Variants in GATA6 observed in about 807,000 individuals in gnomAD.
GATA6 encodes the protein GATA binding protein 6, also known as transcription factor GATA-6.
A neutral mutation model predicts 48.1 loss-of-function variants in GATA6; 11 were observed. The observed-to-expected ratio is 0.23, with a 90% CI of 0.14 to 0.38. GATA6 has a LOEUF of 0.38. Ranked by LOEUF, GATA6 falls within the 10% of genes least tolerant of loss-of-function variation. GATA6 has a pLI of 1.00. For missense variants in GATA6, 795 were observed against 850.3 expected (o/e 0.93, Z 0.81); for synonymous variants, 419 against 396.1 (o/e 1.06, Z -0.69).
intron 6 of GATA6, among the ~76,000 whole-genome samples, chr18:22,191,832 A>G (rs1244844501): frequency 6.6e-6 from 1 of 152,206 alleles, no homozygotes; most frequent in Non-Finnish European, 1.5e-5. Flanking sequence ...GGACAAATAC[A>G]TAACTAGGCA....
intron 6 of GATA6, among the ~76,000 whole-genome samples, chr18:22,194,423 C>G (rs1410080288): frequency 1.3e-5 from 2 of 152,176 alleles, no homozygotes; most frequent in Admixed American, 6.5e-5. Flanking sequence ...GAGCAGGGAC[C>G]TCCGCCTGGC....
At chr18:22,179,022 G>A (rs781428383) in intron 3 of GATA6, among the ~76,000 whole-genome samples, 1 of 152,160 alleles carries the variant, frequency 6.6e-6, no homozygotes, top group Non-Finnish European at 1.5e-5. Context: ...CATTTAGATA[G>A]TGCCATTTGT....
chr18:22,183,151 TTTAG>T, intron 6 of GATA6, 108 bp downstream of exon 6: 1 of 864,446 alleles, frequency 1.2e-6, no homozygotes, highest in Non-Finnish European at 1.9e-6. Context: ...AACAGTTCAG[TTTAG>T]TTAGTTGATA....
chr18:22,201,231 T>C lies in GATA6; in HGVS notation c.*408T>C, dbSNP rs919111119. ...ATACCTTTTCCACATCCAGATTTCATGTGCGTTCATGGAGAAGATCACTTG... is the reference window on the plus strand; with the variant it reads ...ATACCTTTTCCACATCCAGATTTCACGTGCGTTCATGGAGAAGATCACTTG... On this transcript the variant is annotated 3_prime_UTR_variant, in exon 7 of 7. Transcript: ENST00000269216. 2.6e-5 allele frequency: 6 copies of C among 232,430 alleles called. No individual in the cohort carries two copies. The highest frequency in any genetic ancestry group is 1.5e-4 in the Admixed American group (3 of 19,356). The allele number at this position is 232,430 out of a possible 1,614,324, so 14.4% of individuals were successfully genotyped here.
At chr18:22,191,037 G>A (rs1407105404) in intron 6 of GATA6, among the ~76,000 whole-genome samples, 1 of 90,328 alleles carries the variant, frequency 1.1e-5, no homozygotes, top group Non-Finnish European at 1.8e-5. Flanking sequence ...AATCTCGTGT[G>A]TGTGTGTGTG....
rs2143277673 is a variant in GATA6, at chr18:22,171,990, C to T, written c.846C>T (p.Tyr282=). Residue 282 remains tyrosine, a synonymous_variant, in exon 2 of 7, where the codon TAC becomes TAT. Transcript: ENST00000269216. The surrounding 1 kb of genome is among the most constrained non-coding windows in gnomAD (Gnocchi z 7.1). ...ANGAAREPGG[Y]AAAGSGGAGG... ...GCGCCGCGCGGGAGCCGGGAGGCTA[C>T]GCGGCGGCGGGCAGTGGGGGCGCGG... is the stretch of plus-strand genomic sequence containing the variant. 8.2e-7 allele frequency: 1 copy of T among 1,225,438 alleles called. No individual in the cohort carries two copies. Among genetic ancestry groups the T allele is most frequent in the Non-Finnish European group, 1.0e-6 (1 of 985,086 alleles). The allele number at this position is 1,225,438 out of a possible 1,614,324, so 75.9% of individuals were successfully genotyped here. A position where few individuals can be genotyped will look rare whatever the true frequency, so the allele number is the denominator to read the frequency against.
chr18:22,192,494 T>A (rs886469189), intron 6 of GATA6, among the ~76,000 whole-genome samples: 2 of 152,236 alleles, frequency 1.3e-5, no homozygotes, highest in African/African-American at 4.8e-5. Flanking sequence ...TGTATTTCAC[T>A]GATAGCAAAT....
rs954133516 is a variant in GATA6, at chr18:22,201,547, T to C, written c.*724T>C. The C allele has an allele frequency of 6.5e-6, 1 of 152,676 alleles. No individual in the cohort carries two copies. Among genetic ancestry groups the C allele is most frequent in the African/African-American group, 2.4e-5 (1 of 41,476 alleles). 9.5% of individuals were successfully genotyped at this position (152,676 alleles called of 1,614,324 possible). On this transcript the variant is annotated 3_prime_UTR_variant, in exon 7 of 7. Transcript: ENST00000269216. ...ATTTAACAGCATTTTTTATAATGAA[T>C]GTAAACATTTTAACTTAATGGTACT...
intron 6 of GATA6, among the ~76,000 whole-genome samples, chr18:22,191,424 C>T (rs548472063): frequency 1.7e-4 from 21 of 123,264 alleles, no homozygotes; most frequent in South Asian, 2.6e-4. Context: ...AATAATGTTA[C>T]GGGAAAACAT....
intron 6 of GATA6, among the ~76,000 whole-genome samples, chr18:22,184,204 CAA>C (rs1266084111): frequency 1.3e-5 from 2 of 152,188 alleles, no homozygotes; most frequent in Non-Finnish European, 2.9e-5. Context: ...ATATTTAAAA[CAA>C]AATGTTTAAA....
chr18:22,190,555 A>C (rs977115636), intron 6 of GATA6, among the ~76,000 whole-genome samples: 9 of 152,168 alleles, frequency 5.9e-5, no homozygotes, highest in African/African-American at 1.9e-4. Flanking sequence ...ATGAGTAGCA[A>C]AGGGGTTAAA....
chr18:22,172,334 G>T lies in GATA6; in HGVS notation c.1135+55G>T. The T allele has an allele frequency of 6.6e-7, 1 of 1,510,504 alleles. No individual in the cohort carries two copies. Among genetic ancestry groups the T allele is most frequent in the South Asian group, 1.2e-5 (1 of 82,628 alleles). The allele number at this position is 1,510,504 out of a possible 1,614,324, so 93.6% of individuals were successfully genotyped here. A position where few individuals can be genotyped will look rare whatever the true frequency, so the allele number is the denominator to read the frequency against. ...GGGTCCAAAGCGCTGGGGCGCACGGGGGACGTGGAGCAGCTGCTCCACTCG... is the reference window on the plus strand; with the variant it reads ...GGGTCCAAAGCGCTGGGGCGCACGGTGGACGTGGAGCAGCTGCTCCACTCG... On this transcript the variant is annotated intron_variant, in intron 2 of 6. Coordinates refer to ENST00000269216, the MANE Select transcript of GATA6 (RefSeq NM_005257.6). The surrounding 1 kb of genome is among the most constrained non-coding windows in gnomAD (Gnocchi z 5.2).
At position 22,172,198 on chromosome 18, in the gene GATA6, G is replaced by A. The variant is rs1369316608; in HGVS notation, c.1054G>A (p.Gly352Arg). The change falls in exon 2 of 7, where the codon GGA becomes AGA. Residue 352 changes from glycine to arginine, a missense_variant. Gly to Arg is a moderately radical substitution (Grantham distance 125). Transcript: ENST00000269216. The surrounding 1 kb of genome is among the most constrained non-coding windows in gnomAD (Gnocchi z 5.2). ...GCCACTGACGCCTGCCTGGCCCGCC[G>A]GACCCTTCGAGACCCCGGTGCTGCA... ...GAPLTPAWPA[G>R]PFETPVLHSL... 3 of 1,455,552 alleles carry A rather than the reference G, an allele frequency of 2.1e-6. No homozygotes were observed. Among genetic ancestry groups the A allele is most frequent in the Admixed American group, 2.1e-5 (1 of 48,244 alleles). The allele number at this position is 1,455,552 out of a possible 1,614,324, so 90.2% of individuals were successfully genotyped here. A position where few individuals can be genotyped will look rare whatever the true frequency, so the allele number is the denominator to read the frequency against.
chr18:22,171,356 C>A lies in GATA6; in HGVS notation c.212C>A (p.Ala71Asp). The A allele has an allele frequency of 6.3e-7, 1 of 1,584,024 alleles. No homozygotes were observed. Among genetic ancestry groups the A allele is most frequent in the South Asian group, 1.1e-5 (1 of 89,608 alleles). Residue 71 changes from alanine to aspartate, a missense_variant, in exon 2 of 7, where the codon GCC becomes GAC. By Grantham distance (126) the Ala-to-Asp change is moderately radical. This residue lies in a region of GATA6 where 591 missense variants were observed against 570.0 expected (regional missense o/e 1.04). Transcript: ENST00000269216. The surrounding 1 kb of genome is among the most constrained non-coding windows in gnomAD (Gnocchi z 7.1). ...GTPQLDTEAA[A>D]GPPARSLLLS... ...CCTCAGCTCGACACGGAGGCGGCGG[C>A]CGGACCCCCGGCCCGCTCGCTGCTG...
chr18:22,175,243 A>AT (rs1371925131), intron 2 of GATA6, among the ~76,000 whole-genome samples: 1 of 152,182 alleles, frequency 6.6e-6, no homozygotes, highest in African/African-American at 2.4e-5. Context: ...AACTAAAAAT[A>AT]AGCAAGCTTC....
At chr18:22,196,770 A>G (rs550855433) in intron 6 of GATA6, among the ~76,000 whole-genome samples, 1 of 152,174 alleles carries the variant, frequency 6.6e-6, no homozygotes, top group Admixed American at 6.5e-5. Context: ...AAAAAAGAGA[A>G]AGAGTCATGA....
chr18:22,177,944 G>GTTTTTTTTTTTTTTTTTTTTTTT lies in GATA6; in HGVS notation c.1302+830_1302+831insTTTTTTTTTTTTTTTTTTTTTTT, dbSNP rs979067151. ...TTCCCCAATTCGCACACGTTTTACT[G>GTTTTTTTTTTTTTTTTTTTTTTT]TTTTTTTGTTTTTTTTTTTTTTTTT... On this transcript the variant is annotated intron_variant, in intron 3 of 6. Transcript: ENST00000269216. 1.8e-4 allele frequency among the ~76,000 whole-genome samples: 14 copies of GTTTTTTTTTTTTTTTTTTTTTTT among 77,884 alleles called. 4 individuals are homozygous for GTTTTTTTTTTTTTTTTTTTTTTT. The highest frequency in any genetic ancestry group is 6.9e-4 in the African/African-American group (11 of 15,880). 51.1% of individuals were successfully genotyped at this position (77,884 alleles called of 152,430 possible).
intron 6 of GATA6, among the ~76,000 whole-genome samples, chr18:22,192,123 G>T (rs189899619): frequency 5.5e-4 from 84 of 152,338 alleles, no homozygotes; most frequent in African/African-American, 2.0e-3. Context: ...TTAGCAGCTG[G>T]GAGGAAACAG....
In GATA6 at chr18:22,181,443, C is replaced by T. The variant is rs2033194649; in HGVS notation, c.1303-10C>T. 6.2e-7 allele frequency: 1 copy of T among 1,613,908 alleles called. No individual in the cohort carries two copies. Among genetic ancestry groups the T allele is most frequent in the Non-Finnish European group, 8.5e-7 (1 of 1,179,914 alleles). Reference sequence around the variant, plus strand: ...ATATTTTTCCACTTATGTTCTTGTACTGTTTCTAGCCTTCATCACGGCGGC... The same window carrying T: ...ATATTTTTCCACTTATGTTCTTGTATTGTTTCTAGCCTTCATCACGGCGGC... On this transcript the variant is annotated splice_polypyrimidine_tract_variant and intron_variant, in intron 3 of 6. Transcript: ENST00000269216.
Sources: gnomAD v4.1 joint callset for allele counts (sites outside exome capture counted in the v4.1 genomes callset) on GRCh38, gnomAD v4.1.1 for gene constraint, gnomAD v4.1.1 regional missense constraint, Gnocchi (gnomAD v3.1) non-coding constraint, MANE v1.5 for transcripts, NCBI Gene and HGNC (gene_info 2026-07-23, HGNC 2026-07-21) for gene names.